CCPG1: variants seen among roughly 807,000 people sequenced by gnomAD.
The protein encoded by CCPG1 is cell cycle progression protein 1.
A neutral mutation model predicts 81.3 loss-of-function variants in CCPG1; 46 were observed. That is an observed-to-expected ratio of 0.57 (90% CI 0.45 to 0.72). CCPG1 has a LOEUF of 0.72. Ranked by LOEUF, CCPG1 falls within the 30% of genes least tolerant of loss-of-function variation. The pLI, the probability that CCPG1 is intolerant of heterozygous loss-of-function variation, is 0.00. For synonymous variants in CCPG1, 330 were observed against 305.2 expected (o/e 1.08, Z -0.85); for missense variants, 902 against 937.6 (o/e 0.96, Z 0.50).
At position 55,357,513 on chromosome 15, in the gene CCPG1, A is replaced by C. The variant is rs935369000; in HGVS notation, c.2235-1104T>G. 3.7e-6 allele frequency: 3 copies of C among 811,698 alleles called. No homozygotes were observed. In the East Asian group the frequency reaches 3.7e-4, roughly 101 times the overall value. 50.3% of individuals were successfully genotyped at this position (811,698 alleles called of 1,614,324 possible). ...ATTGAGGTTTCCGTTACCTGTGGTC[A>C]ACTGTGGTCTGAAAATGTTAAATAG... On this transcript the variant is annotated intron_variant, in intron 8 of 8. Transcript: ENST00000442196.
At chr15:55,361,064 C>G in intron 7 of CCPG1, 120 bp from the exon 8 acceptor site, 3 of 1,075,806 alleles carry the variant, frequency 2.8e-6, no homozygotes, top group Non-Finnish European at 3.8e-6. Context: ...ATACAACCCC[C>G]CGGGTAGTAT....
At position 55,360,505 on chromosome 15, in the gene CCPG1, T is replaced by G. The variant is rs1454808507; in HGVS notation, c.1268A>C (p.Glu423Ala). 2.5e-6 allele frequency: 4 copies of G among 1,614,042 alleles called. No individual in the cohort carries two copies. The African/African-American group carries it at 5.3e-5, about 22-fold the overall frequency. The change falls in exon 8 of 9, where the codon GAA becomes GCA. Residue 423 changes from glutamate to alanine, a missense_variant. By Grantham distance (107) the Glu-to-Ala change is moderately radical. This residue lies in a region of CCPG1 where 746 missense variants were observed against 728.6 expected (regional missense o/e 1.02). Transcript: ENST00000442196. The stretch of plus-strand genomic sequence containing the variant: ...GAGTCTTTCCCGTAAGATTGCTATT[T>G]CCTTTTTTTCAGTATATACATTGGG... Reference protein sequence around the residue: ...DSPNVYTEKKEIAILRERLTE... With the variant: ...DSPNVYTEKKAIAILRERLTE...
At chr15:55,376,496 A>G (rs1265432747) in intron 5 of CCPG1, among the ~76,000 whole-genome samples, 2 of 152,262 alleles carry the variant, frequency 1.3e-5, no homozygotes, top group African/African-American at 4.8e-5. Context: ...TCTGTTTCAC[A>G]TATGGTAGGT....
At chr15:55,391,973 T>C (rs1595859489) in intron 1 of CCPG1, among the ~76,000 whole-genome samples, 1 of 126,696 alleles carries the variant, frequency 7.9e-6, no homozygotes, top group Admixed American at 8.8e-5. Flanking sequence ...AGTCCAAGAG[T>C]TCAAGATCAG....
chr15:55,369,544 A>G (rs1193118112), intron 6 of CCPG1, among the ~76,000 whole-genome samples: 1 of 152,214 alleles, frequency 6.6e-6, no homozygotes, highest in East Asian at 1.9e-4. Flanking sequence ...CAAAAAAAAA[A>G]AAAAGTGATG....
chr15:55,368,039 A>G (rs1356509388), intron 6 of CCPG1, among the ~76,000 whole-genome samples: 1 of 152,188 alleles, frequency 6.6e-6, no homozygotes, highest in Non-Finnish European at 1.5e-5. Context: ...GTTTTACAAT[A>G]CACAGTTGAC....
At position 55,386,813 on chromosome 15, in the gene CCPG1, C is replaced by T. The variant is rs370010480; in HGVS notation, c.61-1099G>A. Among the ~76,000 whole-genome samples, 21 of 151,486 alleles carry T rather than the reference C, an allele frequency of 1.4e-4. 1 individual carries two copies. The highest frequency in any genetic ancestry group is 7.2e-4 in the Admixed American group (11 of 15,204). Reference sequence around the variant, plus strand: ...TCCAGAGGCTGAGGCAGGAGAATGGCGTGAACCGATGGGGCGGAGCTTGCA... The same window carrying T: ...TCCAGAGGCTGAGGCAGGAGAATGGTGTGAACCGATGGGGCGGAGCTTGCA... On this transcript the variant is annotated intron_variant, in intron 2 of 8. Transcript: ENST00000442196.
intron 7 of CCPG1, among the ~76,000 whole-genome samples, chr15:55,361,889 T>G (rs572654204): frequency 5.9e-5 from 9 of 152,170 alleles, no homozygotes; most frequent in Non-Finnish European, 1.3e-4. Context: ...ATAAATTCTA[T>G]AACCATGTTA....
chr15:55,385,795 C>T, intron 2 of CCPG1, 81 bp from the exon 3 acceptor site: 2 of 752,894 alleles, frequency 2.7e-6, no homozygotes, highest in Admixed American at 2.0e-5. Flanking sequence ...ATGCTTCTTC[C>T]ATTATTAAAA....
Position 55,356,377 on chromosome 15 carries a change from A to C in CCPG1, c.2267T>G (p.Ile756Ser). ...RPDKKQRMVN[I>S]ENSRHRKQEQ... ...TTGTTTTCGATGCCTGGAGTTTTCA[A>C]TATTTACCATACGTTGCTTTTTATC... is the stretch of plus-strand genomic sequence containing the variant. Residue 756 changes from isoleucine (I) to serine (S), a missense_variant, in exon 9 of 9, where the codon ATT (isoleucine) becomes AGT (serine). Transcript: ENST00000442196. 6.5e-7 allele frequency: 1 copy of C among 1,534,426 alleles called. No homozygotes were observed. The highest frequency in any genetic ancestry group is 8.7e-7 in the Non-Finnish European group (1 of 1,146,652).
intron 6 of CCPG1, among the ~76,000 whole-genome samples, chr15:55,371,019 A>G (rs1343327136): frequency 6.6e-6 from 1 of 152,036 alleles, no homozygotes; most frequent in Non-Finnish European, 1.5e-5. Context: ...AGGCTGAGGT[A>G]GGAGAATTGC....
intron 3 of CCPG1, among the ~76,000 whole-genome samples, chr15:55,385,146 C>T (rs2056774457): frequency 6.6e-6 from 1 of 152,100 alleles, no homozygotes; most frequent in Non-Finnish European, 1.5e-5. Context: ...TGGGCCTTCA[C>T]CAAATCCACA....
intron 6 of CCPG1, among the ~76,000 whole-genome samples, chr15:55,371,218 T>C (rs2056443298): frequency 6.6e-6 from 1 of 152,224 alleles, no homozygotes; most frequent in South Asian, 2.1e-4. Flanking sequence ...TTAAAAGCTT[T>C]GAATTGATAA....
intron 1 of CCPG1, among the ~76,000 whole-genome samples, chr15:55,403,094 T>C (rs981331897): frequency 1.3e-5 from 2 of 152,184 alleles, no homozygotes; most frequent in Admixed American, 1.3e-4. Context: ...ACTTCAAACA[T>C]ATAAGTGCTT....
chr15:55,362,652 A>G (rs1465042795), intron 7 of CCPG1, among the ~76,000 whole-genome samples: 11 of 152,348 alleles, frequency 7.2e-5, no homozygotes, highest in Middle Eastern at 3.4e-3. Context: ...TGATGTTGAC[A>G]TAAGTGATTG....
chr15:55,384,118 A>G (rs1035556147), intron 3 of CCPG1, among the ~76,000 whole-genome samples: 9 of 152,162 alleles, frequency 5.9e-5, no homozygotes, highest in African/African-American at 2.2e-4. Flanking sequence ...CCTGGAGGCC[A>G]CTGTAGGGTT....
intron 1 of CCPG1, among the ~76,000 whole-genome samples, chr15:55,404,448 A>G (rs1303727765): frequency 6.6e-6 from 1 of 152,240 alleles, no homozygotes; most frequent in African/African-American, 2.4e-5. Flanking sequence ...TTACCAGTCC[A>G]TATCCAACAT....
intron 2 of CCPG1, among the ~76,000 whole-genome samples, chr15:55,386,961 A>G (rs1214076176): frequency 1.3e-5 from 2 of 152,124 alleles, no homozygotes; most frequent in Admixed American, 1.3e-4. Context: ...TCGGAATGCA[A>G]GACTCCGAGG....
chr15:55,390,016 C>T (rs1385768134), intron 1 of CCPG1, among the ~76,000 whole-genome samples: 1 of 152,200 alleles, frequency 6.6e-6, no homozygotes, highest in African/African-American at 2.4e-5. Flanking sequence ...CTCCGCCTCC[C>T]GGGTTCAAGT....
Sources: gnomAD v4.1 joint callset for allele counts (sites outside exome capture counted in the v4.1 genomes callset) on GRCh38, gnomAD v4.1.1 for gene constraint, gnomAD v4.1.1 regional missense constraint, MANE v1.5 for transcripts, NCBI Gene and HGNC (gene_info 2026-07-23, HGNC 2026-07-21) for gene names.